The following PACRG variants were observed in gnomAD, a reference collection of about 807,000 sequenced individuals.
PACRG encodes parkin coregulated.
PACRG carries 29 observed loss-of-function variants against 29.7 expected under a neutral mutation model. That is an observed-to-expected ratio of 0.98 (90% CI 0.73 to 1.33). PACRG has a LOEUF of 1.33. Ranked by LOEUF, PACRG falls within the 40% of genes most tolerant of loss-of-function variation. The pLI is 0.00. For missense variants in PACRG, 279 were observed against 316.2 expected, an observed-to-expected ratio of 0.88 and a Z score of 0.89; for synonymous variants, 116 against 118.7, an observed-to-expected ratio of 0.98 and a Z score of 0.15.
At chr6:162,852,012 G>GAAGGAAGGAAGGA (rs1584543469) in intron 2 of PACRG, among the ~76,000 whole-genome samples, 40 of 131,476 alleles carry the variant, frequency 3.0e-4, no homozygotes, top group East Asian at 7.0e-4. Context: ...AGGGAGGAAG[G>GAAGGAAGGAAGGA]AAGGAAGGAA....
At chr6:162,809,917 T>C (rs1389270866) in intron 1 of PACRG, among the ~76,000 whole-genome samples, 1 of 152,222 alleles carries the variant, frequency 6.6e-6, no homozygotes, top group Non-Finnish European at 1.5e-5. Flanking sequence ...GCAGTGCCAG[T>C]GGAGACCTCA....
intron 2 of PACRG, among the ~76,000 whole-genome samples, chr6:162,961,154 G>A (rs1336205513): frequency 6.6e-6 from 1 of 152,208 alleles, no homozygotes; most frequent in Non-Finnish European, 1.5e-5. Flanking sequence ...GTCACTGCAA[G>A]GTTTGCATCA....
intron 2 of PACRG, among the ~76,000 whole-genome samples, chr6:162,989,489 A>G (rs1223109609): frequency 1.3e-5 from 2 of 152,166 alleles, no homozygotes; most frequent in Non-Finnish European, 2.9e-5. Flanking sequence ...ACCTACACAC[A>G]TCCTCCTGTA....
chr6:162,893,309 G>A (rs114601985), intron 2 of PACRG, among the ~76,000 whole-genome samples: 1,781 of 152,128 alleles, frequency 0.012, 32 homozygotes, highest in African/African-American at 0.041. Flanking sequence ...GGAGGGCCTC[G>A]GCTCGACTGG....
intron 1 of PACRG, among the ~76,000 whole-genome samples, chr6:162,803,770 G>C (rs1224915431): frequency 6.6e-6 from 1 of 152,046 alleles, no homozygotes; most frequent in Non-Finnish European, 1.5e-5. Flanking sequence ...GTTAAATGTA[G>C]TAATCTAAAT....
At chr6:162,918,571 T>C (rs1007396057) in intron 2 of PACRG, among the ~76,000 whole-genome samples, 15 of 152,076 alleles carry the variant, frequency 9.9e-5, no homozygotes, top group African/African-American at 2.9e-4. Context: ...GGGAGGAGCA[T>C]AGGTATTCAA....
At chr6:162,827,082 A>G (rs1336368831) in intron 2 of PACRG, among the ~76,000 whole-genome samples, 1 of 152,178 alleles carries the variant, frequency 6.6e-6, no homozygotes, top group African/African-American at 2.4e-5. Context: ...GGTAATGATT[A>G]AGTAATTTAT....
chr6:162,854,905 G>A (rs1791243646), intron 2 of PACRG, among the ~76,000 whole-genome samples: 1 of 152,314 alleles, frequency 6.6e-6, no homozygotes, highest in South Asian at 2.1e-4. Flanking sequence ...CACAGAGTCC[G>A]AAAAGCGTTT....
intron 4 of PACRG, among the ~76,000 whole-genome samples, chr6:163,096,297 G>A (rs769188268): frequency 2.0e-5 from 3 of 152,172 alleles, no homozygotes; most frequent in Non-Finnish European, 2.9e-5. Flanking sequence ...ACCTGGCCAC[G>A]GTGAGGCTGG....
chr6:163,263,237 C>G (rs979932718), intron 4 of PACRG, among the ~76,000 whole-genome samples: 2 of 151,678 alleles, frequency 1.3e-5, no homozygotes, highest in East Asian at 3.9e-4. Context: ...CTTCCCATCC[C>G]GAGAGCCCAG....
intron 2 of PACRG, among the ~76,000 whole-genome samples, chr6:162,831,560 A>ATG (rs1486830431): frequency 1.3e-5 from 2 of 152,114 alleles, no homozygotes; most frequent in East Asian, 3.9e-4. Flanking sequence ...ACATAGGTAA[A>ATG]TGTGTGCCAT....
intron 2 of PACRG, among the ~76,000 whole-genome samples, chr6:163,036,302 C>T (rs1808180902): frequency 6.6e-6 from 1 of 152,136 alleles, no homozygotes; most frequent in African/African-American, 2.4e-5. Flanking sequence ...TAGTTCCAGG[C>T]CTTATAAAGA....
At position 163,020,403 on chromosome 6, in the gene PACRG, T is replaced by C. The variant is rs185736724; in HGVS notation, c.292-41747T>C. On this transcript the variant is annotated intron_variant, in intron 2 of 4. Transcript: ENST00000366888. ...AACTATCCTCCATTCTTTGCCACCCTCATAAAAACAATAAAAATAAAACCA... is the reference window on the plus strand; with the variant it reads ...AACTATCCTCCATTCTTTGCCACCCCCATAAAAACAATAAAAATAAAACCA... Among the ~76,000 whole-genome samples the C allele has an allele frequency of 7.9e-5, 12 of 152,180 alleles. 1 individual carries two copies. Among genetic ancestry groups the C allele is most frequent in the Admixed American group, 7.8e-4 (12 of 15,290 alleles).
chr6:163,104,333 T>A (rs77248482), intron 4 of PACRG, among the ~76,000 whole-genome samples: 56 of 152,372 alleles, frequency 3.7e-4, no homozygotes, highest in Admixed American at 1.0e-3. Context: ...AATTTTTTTT[T>A]AATCCCAGCC....
At chr6:163,276,851 T>C (rs918194462) in intron 4 of PACRG, among the ~76,000 whole-genome samples, 5 of 152,208 alleles carry the variant, frequency 3.3e-5, no homozygotes, top group Non-Finnish European at 1.5e-5. Flanking sequence ...CCGTCAGAAC[T>C]GTGAGCAATA....
chr6:162,788,860 C>A (rs1277972837), intron 1 of PACRG, among the ~76,000 whole-genome samples: 2 of 152,004 alleles, frequency 1.3e-5, no homozygotes, highest in Non-Finnish European at 2.9e-5. Context: ...TGTTCATTTT[C>A]TTATTTTGAG....
chr6:163,048,556 C>T (rs1809651598), intron 2 of PACRG, among the ~76,000 whole-genome samples: 1 of 152,092 alleles, frequency 6.6e-6, no homozygotes, highest in African/African-American at 2.4e-5. Context: ...AGATTGAACT[C>T]TGTGGTTTTC....
intron 4 of PACRG, among the ~76,000 whole-genome samples, chr6:163,262,309 C>T (rs946054823): frequency 8.5e-5 from 13 of 152,184 alleles, no homozygotes; most frequent in Admixed American, 3.3e-4. Flanking sequence ...TACTTTCAAG[C>T]GCAATTAGCT....
chr6:162,873,807 C>T (rs1477478824), intron 2 of PACRG, among the ~76,000 whole-genome samples: 4 of 152,166 alleles, frequency 2.6e-5, no homozygotes, highest in Non-Finnish European at 4.4e-5. Flanking sequence ...ATTTGATATG[C>T]TACCCTGACA....
Sources: allele counts gnomAD v4.1 joint callset (sites outside exome capture counted in the v4.1 genomes callset), GRCh38; gene constraint gnomAD v4.1.1; transcripts MANE v1.5; gene names NCBI Gene and HGNC (gene_info 2026-07-23, HGNC 2026-07-21).